The following OPCML variants were observed in gnomAD, a reference collection of about 807,000 sequenced individuals.
OPCML encodes opioid-binding protein/cell adhesion molecule.
OPCML carries 13 observed loss-of-function variants against 37.8 expected under a neutral mutation model. The ratio of observed to expected loss-of-function variants is 0.34; its 90% CI spans 0.22 to 0.55. The LOEUF (loss-of-function observed/expected upper bound fraction) is 0.55. Ranked by LOEUF, OPCML falls within the 20% of genes least tolerant of loss-of-function variation. OPCML has a pLI of 0.91. For synonymous variants in OPCML, 176 were observed against 168.8 expected, an observed-to-expected ratio of 1.04 and a Z score of -0.33; for missense variants, 341 against 435.6, an observed-to-expected ratio of 0.78 and a Z score of 1.93.
intron 4 of OPCML, among the ~76,000 whole-genome samples, chr11:132,438,658 G>T (rs554333251): frequency 6.6e-6 from 1 of 152,036 alleles, no homozygotes; most frequent in African/African-American, 2.4e-5. Context: ...CAGGGTATAG[G>T]GTGTGCAGCA....
At chr11:133,195,372 C>T (rs370117487) in intron 1 of OPCML, among the ~76,000 whole-genome samples, 2 of 152,146 alleles carry the variant, frequency 1.3e-5, no homozygotes, top group South Asian at 4.1e-4. Context: ...AAACAGCACC[C>T]GTGAGAAAAG....
At chr11:132,461,614 G>A (rs1430293107) in intron 4 of OPCML, among the ~76,000 whole-genome samples, 1 of 152,184 alleles carries the variant, frequency 6.6e-6, no homozygotes, top group East Asian at 1.9e-4. Context: ...CTGGGAGCAA[G>A]TAGCAAGAAC....
At chr11:133,219,226 T>C (rs1939710876) in intron 1 of OPCML, among the ~76,000 whole-genome samples, 1 of 152,240 alleles carries the variant, frequency 6.6e-6, no homozygotes, top group African/African-American at 2.4e-5. Flanking sequence ...GTGAGTATTC[T>C]GTAGGACTTG....
intron 2 of OPCML, among the ~76,000 whole-genome samples, chr11:132,870,021 A>C (rs1321722423): frequency 6.6e-6 from 1 of 152,156 alleles, no homozygotes; most frequent in East Asian, 1.9e-4. Context: ...ACATCATGTA[A>C]CGCCCCTTCC....
rs372050389 is a variant in OPCML, at chr11:133,135,202, CAACAATATTCAT to C, written c.62-192204_62-192193del. ...GGTATATTATCTCTTGTGATCTTCA[CAACAATATTCAT>C]AACAATAAATAACAGCTGAAGCGTT... is the stretch of plus-strand genomic sequence containing the variant. On this transcript the variant is annotated intron_variant, in intron 1 of 7. Coordinates refer to ENST00000524381, the MANE Select transcript of OPCML (RefSeq NM_001012393.5). Among the ~76,000 whole-genome samples the C allele has an allele frequency of 8.9e-4, 136 of 152,250 alleles. 2 individuals carry two copies. In the East Asian group the frequency reaches 0.023, roughly 26 times the overall value.
chr11:133,484,146 G>GGATA (rs944894584), intron 1 of OPCML, among the ~76,000 whole-genome samples: 2 of 125,242 alleles, frequency 1.6e-5, no homozygotes, highest in Admixed American at 7.9e-5. Flanking sequence ...GATGATAGAT[G>GGATA]GATAGATAGA....
At chr11:132,724,601 G>A (rs552299838) in intron 2 of OPCML, among the ~76,000 whole-genome samples, 1 of 152,196 alleles carries the variant, frequency 6.6e-6, no homozygotes, top group East Asian at 1.9e-4. Flanking sequence ...AACCAATCAT[G>A]CCTTCCCAAG....
At chr11:132,566,025 T>G (rs546804832) in intron 3 of OPCML, among the ~76,000 whole-genome samples, 19 of 152,278 alleles carry the variant, frequency 1.2e-4, no homozygotes, top group African/African-American at 4.6e-4. Flanking sequence ...AGAGCGAGAC[T>G]CCGTCTCAAA....
At chr11:133,277,852 G>A (rs1409110312) in intron 1 of OPCML, among the ~76,000 whole-genome samples, 1 of 152,002 alleles carries the variant, frequency 6.6e-6, no homozygotes, top group Non-Finnish European at 1.5e-5. Context: ...CATAAGATAG[G>A]CATTATTGTC....
In OPCML at chr11:132,432,521, T is replaced by C. The variant is rs897959910; in HGVS notation, c.916+3565A>G. On this transcript the variant is annotated intron_variant, in intron 7 of 7. Transcript: ENST00000524381. Reference sequence around the variant, plus strand: ...ACTGAGATTGACCTTCCCAAAGCCATTCAGCCAGCGAGCAGCATAGGGTGA... The same window carrying C: ...ACTGAGATTGACCTTCCCAAAGCCACTCAGCCAGCGAGCAGCATAGGGTGA... 2.0e-5 allele frequency among the ~76,000 whole-genome samples: 3 copies of C among 152,304 alleles called. No homozygotes were observed. In the East Asian group the frequency reaches 5.8e-4, roughly 29 times the overall value.
intron 1 of OPCML, among the ~76,000 whole-genome samples, chr11:133,404,437 G>A (rs950653326): frequency 2.0e-5 from 3 of 152,290 alleles, no homozygotes; most frequent in Middle Eastern, 3.4e-3. Flanking sequence ...ACATAACACC[G>A]TGTGCCAGGC....
At chr11:132,831,060 A>T (rs893022666) in intron 2 of OPCML, among the ~76,000 whole-genome samples, 1 of 152,142 alleles carries the variant, frequency 6.6e-6, no homozygotes, top group Non-Finnish European at 1.5e-5. Context: ...TCATACACTC[A>T]GATAATGAAG....
At chr11:133,249,317 G>A (rs1340728212) in intron 1 of OPCML, among the ~76,000 whole-genome samples, 1 of 151,956 alleles carries the variant, frequency 6.6e-6, no homozygotes, top group Admixed American at 6.6e-5. Flanking sequence ...AGGGGAGGAG[G>A]TGCCAGGCTC....
chr11:132,450,483 T>C (rs959406767), intron 4 of OPCML, among the ~76,000 whole-genome samples: 1 of 152,024 alleles, frequency 6.6e-6, no homozygotes, highest in Non-Finnish European at 1.5e-5. Flanking sequence ...TTTTTAGGGC[T>C]GCCCGTAGAG....
intron 1 of OPCML, among the ~76,000 whole-genome samples, chr11:133,076,275 A>G (rs1159994655): frequency 6.6e-6 from 1 of 152,124 alleles, no homozygotes; most frequent in Non-Finnish European, 1.5e-5. Context: ...TAACTTTTCT[A>G]AATAGTTTGT....
intron 1 of OPCML, among the ~76,000 whole-genome samples, chr11:133,256,347 A>G (rs1048327676): frequency 6.6e-6 from 1 of 152,210 alleles, no homozygotes; most frequent in Non-Finnish European, 1.5e-5. Flanking sequence ...CCTTCCTTGT[A>G]GGATATTTTA....
intron 2 of OPCML, among the ~76,000 whole-genome samples, chr11:132,812,240 C>T (rs1340770106): frequency 6.6e-6 from 1 of 152,142 alleles, no homozygotes; most frequent in Non-Finnish European, 1.5e-5. Flanking sequence ...AGAAGGAAGA[C>T]ATTTACACTG....
intron 2 of OPCML, among the ~76,000 whole-genome samples, chr11:132,917,977 C>T (rs2136568730): frequency 1.3e-5 from 2 of 152,274 alleles, no homozygotes; most frequent in Middle Eastern, 6.8e-3. Flanking sequence ...ACTTCTACCT[C>T]CATGCTTGTG....
intron 1 of OPCML, among the ~76,000 whole-genome samples, chr11:133,510,886 TACACACACACACACACGCACACAC>T (rs949028560): frequency 4.1e-5 from 6 of 145,294 alleles, no homozygotes; most frequent in Non-Finnish European, 7.4e-5. Flanking sequence ...GCCAGCCACA[TACACACACACACACACGCACACAC>T]ACACACACAC....
Sources: gnomAD v4.1 joint callset for allele counts (sites outside exome capture counted in the v4.1 genomes callset) on GRCh38, gnomAD v4.1.1 for gene constraint, MANE v1.5 for transcripts, NCBI Gene and HGNC (gene_info 2026-07-23, HGNC 2026-07-21) for gene names.